The following NOXRED1 variants were observed in gnomAD, a reference collection of about 807,000 sequenced individuals.
NOXRED1 encodes the protein NADP dependent oxidoreductase domain containing 1.
Under a neutral mutation model 30.4 loss-of-function variants are expected in NOXRED1, and 20 were observed. The observed-to-expected ratio is 0.66, with a 90% CI of 0.46 to 0.96. NOXRED1 has a LOEUF of 0.96. Ranked by LOEUF, NOXRED1 falls within the 40% of genes least tolerant of loss-of-function variation. The probability of loss-of-function intolerance (pLI) is 0.00; values close to 1 mark genes in which losing one functional copy is unlikely to be tolerated. For missense variants in NOXRED1, 374 were observed against 428.0 expected (o/e 0.87, Z 1.11); for synonymous variants, 155 against 168.0 (o/e 0.92, Z 0.60).
At chr14:77,402,583 G>A (rs1434763278) in intron 5 of NOXRED1, among the ~76,000 whole-genome samples, 2 of 151,768 alleles carry the variant, frequency 1.3e-5, no homozygotes, top group South Asian at 2.1e-4. Context: ...GCGGTGAGCC[G>A]AGATCGTGCC....
At position 77,394,581 on chromosome 14, in the gene NOXRED1, A is replaced by C; in HGVS notation, c.*50T>G. On this transcript the variant is annotated 3_prime_UTR_variant, in exon 6 of 6. Coordinates refer to ENST00000380835, the MANE Select transcript of NOXRED1 (RefSeq NM_001113475.3). ...CAATTGTGATAATCAGGGCACAACTATTATAGGGAAAATCTGTGAGTGGGA... is the reference window on the plus strand; with the variant it reads ...CAATTGTGATAATCAGGGCACAACTCTTATAGGGAAAATCTGTGAGTGGGA... 7.0e-7 allele frequency: 1 copy of C among 1,421,886 alleles called. No homozygotes were observed. Among genetic ancestry groups the C allele is most frequent in the South Asian group, 1.2e-5 (1 of 83,678 alleles). 88.1% of individuals were successfully genotyped at this position (1,421,886 alleles called of 1,614,324 possible). A position where few individuals can be genotyped will look rare whatever the true frequency, so the allele number is the denominator to read the frequency against.
upstream of NOXRED1, among the ~76,000 whole-genome samples, chr14:77,425,118 G>A (rs1433018696): frequency 6.6e-6 from 1 of 152,146 alleles, no homozygotes; most frequent in African/African-American, 2.4e-5. Flanking sequence ...ACTGACATGG[G>A]TCCCAGTCCC....
At chr14:77,412,865 A>C (rs923594905) in intron 2 of NOXRED1, among the ~76,000 whole-genome samples, 4 of 152,134 alleles carry the variant, frequency 2.6e-5, no homozygotes, top group African/African-American at 9.7e-5. Flanking sequence ...GTAAAAAAAA[A>C]CAGAATACAA....
rs147411695 is a variant in NOXRED1 at position 77,411,051 on chromosome 14, C to T, written c.349+2883G>A. The stretch of plus-strand genomic sequence containing the variant: ...AACACTTATATACATGTATTCATGG[C>T]AGCTTTATTTGTAATAGCCAGAAAC... On this transcript the variant is annotated intron_variant, in intron 2 of 5. Transcript: ENST00000380835. Among the ~76,000 whole-genome samples the T allele has an allele frequency of 7.0e-3, 1,067 of 152,268 alleles. 19 individuals are homozygous for T. The highest frequency in any genetic ancestry group is 0.037 in the South Asian group (181 of 4,828).
intron 2 of NOXRED1, among the ~76,000 whole-genome samples, chr14:77,408,124 G>A (rs771948767): frequency 4.6e-5 from 7 of 152,056 alleles, no homozygotes; most frequent in Non-Finnish European, 1.0e-4. Flanking sequence ...CATCTCGTCC[G>A]CCCAAAGTGC....
chr14:77,406,668 T>A, intron 4 of NOXRED1, 56 bp downstream of exon 4: 1 of 1,500,486 alleles, frequency 6.7e-7, no homozygotes, highest in Non-Finnish European at 9.3e-7. Context: ...AAGATAGCAA[T>A]GGGCCAACAG....
At chr14:77,394,853 C>G in intron 5 of NOXRED1, 48 bp from the exon 6 acceptor site, 1 of 1,375,066 alleles carries the variant, frequency 7.3e-7, no homozygotes, top group Non-Finnish European at 1.0e-6. Context: ...TTCAGTATAT[C>G]TGATTTGGCT....
chr14:77,403,341 G>GAA (rs1214026723), intron 5 of NOXRED1, among the ~76,000 whole-genome samples: 12 of 152,134 alleles, frequency 7.9e-5, no homozygotes, highest in Admixed American at 2.6e-4. Flanking sequence ...ATAGTATAAC[G>GAA]AAACTCCATA....
intron 2 of NOXRED1, among the ~76,000 whole-genome samples, chr14:77,408,123 C>T (rs1017404180): frequency 2.6e-5 from 4 of 152,172 alleles, no homozygotes; most frequent in Admixed American, 2.0e-4. Context: ...CCATCTCGTC[C>T]GCCCAAAGTG....
rs752980929 is a variant in NOXRED1 at position 77,422,929 on chromosome 14, A to G, written c.-40T>C. ...TTCCTGCAGTGATAGACACTAATCA[A>G]TTTGGCTCCCTGTCCCGGTAGAAGA... On this transcript the variant is annotated 5_prime_UTR_variant, in exon 1 of 6. Coordinates refer to ENST00000380835, the MANE Select transcript of NOXRED1 (RefSeq NM_001113475.3). 43 of 1,574,140 alleles carry G rather than the reference A, an allele frequency of 2.7e-5. No homozygotes were observed. The highest frequency in any genetic ancestry group is 5.5e-5 in the African/African-American group (4 of 73,370).
intron 5 of NOXRED1, among the ~76,000 whole-genome samples, chr14:77,400,155 A>C (rs1023206288): frequency 1.3e-5 from 2 of 152,222 alleles, no homozygotes; most frequent in African/African-American, 4.8e-5. Flanking sequence ...AGACTTTACC[A>C]AACAAAAATT....
At chr14:77,424,136 A>G (rs1010083815), upstream of NOXRED1, among the ~76,000 whole-genome samples, 2 of 152,238 alleles carry the variant, frequency 1.3e-5, no homozygotes, top group African/African-American at 4.8e-5. Flanking sequence ...AGGCTGTTAT[A>G]TGACGACACC....
At chr14:77,402,311 A>G (rs148168924) in intron 5 of NOXRED1, among the ~76,000 whole-genome samples, 1 of 152,374 alleles carries the variant, frequency 6.6e-6, no homozygotes, top group African/African-American at 2.4e-5. Flanking sequence ...GTTTTCCAAA[A>G]CATACAAAGA....
intron 1 of NOXRED1, among the ~76,000 whole-genome samples, chr14:77,415,631 T>TAGATAGATAGATAGATAGACAGAC (rs1555363632): frequency 2.1e-5 from 3 of 141,310 alleles, no homozygotes; most frequent in East Asian, 2.0e-4. Context: ...GATAGATAGA[T>TAGATAGATAGATAGATAGACAGAC]AGACAGACAG....
chr14:77,425,471 A>T (rs1019129513), upstream of NOXRED1, among the ~76,000 whole-genome samples: 7 of 152,266 alleles, frequency 4.6e-5, no homozygotes, highest in African/African-American at 1.7e-4. Flanking sequence ...TTAATAAAGT[A>T]ACCACTGTTT....
upstream of NOXRED1, among the ~76,000 whole-genome samples, chr14:77,425,578 A>T (rs1895103737): frequency 6.6e-6 from 1 of 152,222 alleles, no homozygotes; most frequent in South Asian, 2.1e-4. Flanking sequence ...ACTAAATATG[A>T]GGTTACCTGG....
chr14:77,413,292 G>A (rs944927003), intron 2 of NOXRED1, among the ~76,000 whole-genome samples: 7 of 148,374 alleles, frequency 4.7e-5, no homozygotes, highest in Admixed American at 1.3e-4. Flanking sequence ...AGGCTGGAGT[G>A]CAGTGGTGTG....
chr14:77,411,337 G>C (rs542325560), intron 2 of NOXRED1, among the ~76,000 whole-genome samples: 332 of 151,942 alleles, frequency 2.2e-3, no homozygotes, highest in Non-Finnish European at 3.7e-3. Context: ...GGGCATGGTG[G>C]TGAGCGCATG....
At chr14:77,400,225 A>G (rs771734712) in intron 5 of NOXRED1, among the ~76,000 whole-genome samples, 14 of 152,248 alleles carry the variant, frequency 9.2e-5, no homozygotes, top group Non-Finnish European at 1.5e-4. Flanking sequence ...GTTCCTTAGG[A>G]GGAAAATGAT....
Sources: gnomAD v4.1 joint callset for allele counts (sites outside exome capture counted in the v4.1 genomes callset) on GRCh38, gnomAD v4.1.1 for gene constraint, MANE v1.5 for transcripts, NCBI Gene and HGNC (gene_info 2026-07-23, HGNC 2026-07-21) for gene names.